KCNQ4: variants seen among roughly 807,000 people sequenced by gnomAD.
KCNQ4 encodes the protein potassium voltage-gated channel subfamily KQT member 4.
KCNQ4 carries 31 observed loss-of-function variants against 72.6 expected under a neutral mutation model. The observed-to-expected ratio is 0.43, with a 90% CI of 0.32 to 0.58. The LOEUF (loss-of-function observed/expected upper bound fraction) is 0.58, where lower values mean the gene tolerates loss of function less well. KCNQ4 is among the 20% of genes least tolerant of loss of function. The pLI is 0.08. For synonymous variants in KCNQ4, 405 were observed against 403.7 expected (o/e 1.00, Z -0.04); for missense variants, 869 against 962.6 (o/e 0.90, Z 1.29).
chr1:40,799,687 T>TA (rs1267375492), intron 1 of KCNQ4, among the ~76,000 whole-genome samples: 5 of 152,138 alleles, frequency 3.3e-5, no homozygotes, highest in Non-Finnish European at 7.3e-5. Context: ...TTGGAGGCCC[T>TA]AGGTCTTATT....
chr1:40,831,309 G>GC lies in KCNQ4; in HGVS notation c.1513+10dup. The GC allele has an allele frequency of 1.3e-6, 2 of 1,584,654 alleles. No homozygotes were observed. The highest frequency in any genetic ancestry group is 2.3e-5 in the East Asian group (1 of 43,760). Reference sequence around the variant, plus strand: ...AACCCCGCACCTCTGCTGAGGGTAAGCCCCCGGGGGGCTGAGTCCGATCGA... The same window carrying GC: ...AACCCCGCACCTCTGCTGAGGGTAAGCCCCCCGGGGGGCTGAGTCCGATCGA... On this transcript the variant is annotated splice_donor_region_variant and intron_variant, in intron 10 of 13. Transcript: ENST00000347132.
At chr1:40,793,051 C>T (rs181896985) in intron 1 of KCNQ4, among the ~76,000 whole-genome samples, 129 of 145,756 alleles carry the variant, frequency 8.9e-4, no homozygotes, top group Non-Finnish European at 1.7e-3. Context: ...CTGTCACCCA[C>T]GCTGGAGTGC....
intron 5 of KCNQ4, 140 bp downstream of exon 5, chr1:40,819,612 G>T: frequency 9.3e-6 from 11 of 1,181,946 alleles, no homozygotes; most frequent in Middle Eastern, 2.2e-4. Context: ...ACCCCCCTGA[G>T]ACCAGCCCCA....
intron 8 of KCNQ4, 128 bp downstream of exon 8, chr1:40,822,530 C>T: frequency 1.4e-6 from 1 of 705,228 alleles, no homozygotes; most frequent in Non-Finnish European, 2.5e-6. Context: ...CCTGGGCTGG[C>T]TCTGCAGATC....
intron 1 of KCNQ4, among the ~76,000 whole-genome samples, chr1:40,789,416 T>G (rs1304570923): frequency 6.6e-6 from 1 of 152,190 alleles, no homozygotes; most frequent in Middle Eastern, 3.2e-3. Flanking sequence ...AACTTTGCCC[T>G]TGTGATTGGG....
At chr1:40,813,214 T>C (rs1558007477) in intron 1 of KCNQ4, among the ~76,000 whole-genome samples, 1 of 152,166 alleles carries the variant, frequency 6.6e-6, no homozygotes, top group Non-Finnish European at 1.5e-5. Flanking sequence ...ACTTTCCCTC[T>C]CTAAGTGCGA....
At position 40,804,565 on chromosome 1, in the gene KCNQ4, C is replaced by T. The variant is rs1253501794; in HGVS notation, c.315-12700C>T. On this transcript the variant is annotated intron_variant, in intron 1 of 13. Transcript: ENST00000347132. ...TGGTAGTGGCTCATGCCTGTAAGCC[C>T]AGCACTTTGGGAGATGGAGGCAGGA... is the stretch of plus-strand genomic sequence containing the variant. 5.3e-5 allele frequency among the ~76,000 whole-genome samples: 8 copies of T among 152,286 alleles called. No individual in the cohort carries two copies. In the East Asian group the frequency reaches 1.5e-3, roughly 29 times the overall value.
chr1:40,836,292 A>T (rs1416718950), intron 12 of KCNQ4, among the ~76,000 whole-genome samples: 1 of 152,228 alleles, frequency 6.6e-6, no homozygotes, highest in Admixed American at 6.5e-5. Flanking sequence ...AGAGTCAAGG[A>T]TGAAGCTAAG....
At position 40,824,209 on chromosome 1, in the gene KCNQ4, G is replaced by C; in HGVS notation, c.1243G>C (p.Val415Leu). The stretch of plus-strand genomic sequence containing the variant: ...CGGAGCACCCTCCCGTTACCCGCCC[G>C]TTGCCACCTGCCACCGGCCGGGCAG... ...PDGAPSRYPP[V>L]ATCHRPGSTS... Residue 415 changes from valine to leucine, a missense_variant, in exon 9 of 14, where the codon GTT (valine) becomes CTT (leucine). Transcript: ENST00000347132. 1 of 1,602,676 alleles carries C rather than the reference G, an allele frequency of 6.2e-7. No individual in the cohort carries two copies. The highest frequency in any genetic ancestry group is 2.3e-5 in the East Asian group (1 of 44,192).
intron 10 of KCNQ4, 30 bp from the exon 11 acceptor site, chr1:40,832,984 G>T: frequency 6.4e-7 from 1 of 1,561,950 alleles, no homozygotes. Flanking sequence ...CCCCTTTGGT[G>T]GGCCACTTGC....
intron 9 of KCNQ4, 93 bp from the exon 10 acceptor site, chr1:40,830,991 C>A: frequency 2.8e-6 from 3 of 1,078,988 alleles, no homozygotes; most frequent in Non-Finnish European, 4.2e-6. Flanking sequence ...GACCTAATAG[C>A]CACCCCCAAG....
intron 9 of KCNQ4, among the ~76,000 whole-genome samples, chr1:40,826,143 A>G (rs1648470856): frequency 6.6e-6 from 1 of 152,144 alleles, no homozygotes; most frequent in Non-Finnish European, 1.5e-5. Context: ...TCCACCAAAA[A>G]CACACACACA....
chr1:40,834,524 C>T (rs571125881), intron 11 of KCNQ4, among the ~76,000 whole-genome samples: 3 of 151,846 alleles, frequency 2.0e-5, no homozygotes, highest in African/African-American at 7.2e-5. Flanking sequence ...ACGGGCAGAT[C>T]GCTTGAGTCC....
In KCNQ4 at chr1:40,820,153, C is replaced by G. The variant is rs146802754; in HGVS notation, c.946-12C>G. Reference sequence around the variant, plus strand: ...GCCAGCACATTCCCCCAACCATGCCCTATCCCTCTAGGGCATCCTAGGCTC... The same window carrying G: ...GCCAGCACATTCCCCCAACCATGCCGTATCCCTCTAGGGCATCCTAGGCTC... On this transcript the variant is annotated splice_polypyrimidine_tract_variant and intron_variant, in intron 6 of 13. Transcript: ENST00000347132. The G allele has an allele frequency of 3.4e-4, 540 of 1,601,478 alleles. 7 individuals are homozygous for G. The East Asian group carries it at 0.011, about 32-fold the overall frequency.
At position 40,819,825 on chromosome 1, in the gene KCNQ4, G is replaced by A. The variant is rs371398676; in HGVS notation, c.835-50G>A. 28 of 1,433,554 alleles carry A rather than the reference G, an allele frequency of 2.0e-5. No individual in the cohort carries two copies. In the Middle Eastern group the frequency reaches 5.2e-4, roughly 27 times the overall value. 88.8% of individuals were successfully genotyped at this position (1,433,554 alleles called of 1,614,324 possible). A position where few individuals can be genotyped will look rare whatever the true frequency, so the allele number is the denominator to read the frequency against. On this transcript the variant is annotated intron_variant, in intron 5 of 13. Coordinates refer to ENST00000347132, the MANE Select transcript of KCNQ4 (RefSeq NM_004700.4). ...TACCTGCCTGTACCCCCAACAAGCCGTAGGTGGCCCCCGTGACCAGTCCTG... is the reference window on the plus strand; with the variant it reads ...TACCTGCCTGTACCCCCAACAAGCCATAGGTGGCCCCCGTGACCAGTCCTG...
intron 10 of KCNQ4, 130 bp from the exon 11 acceptor site, chr1:40,832,884 G>C: frequency 1.4e-6 from 1 of 728,262 alleles, no homozygotes; most frequent in Non-Finnish European, 2.5e-6. Flanking sequence ...GCCCCAAGAA[G>C]GTTCTGAGCC....
rs924412342 is a variant in KCNQ4, at chr1:40,817,042, G to A, written c.315-223G>A. ...TCTCTGAGCTGCAGCCTGCAGCAGG[G>A]GGCAATTGAGATAGTTGTGAGGTCC... On this transcript the variant is annotated intron_variant, in intron 1 of 13. Transcript: ENST00000347132. This position sits in a 1 kb window ranked among gnomAD's most constrained non-coding sequence, Gnocchi z 5.5. Among the ~76,000 whole-genome samples the A allele has an allele frequency of 1.1e-4, 17 of 152,226 alleles. No individual in the cohort carries two copies. The highest frequency in any genetic ancestry group is 3.9e-4 in the African/African-American group (16 of 41,456).
rs535075578 is a variant in KCNQ4, at chr1:40,817,201, A to G, written c.315-64A>G. 1 of 1,344,840 alleles carries G rather than the reference A, an allele frequency of 7.4e-7. No individual in the cohort carries two copies. The highest frequency in any genetic ancestry group is 1.1e-6 in the Non-Finnish European group (1 of 941,262). 83.3% of individuals were successfully genotyped at this position (1,344,840 alleles called of 1,614,324 possible). On this transcript the variant is annotated intron_variant, in intron 1 of 13. Coordinates refer to ENST00000347132, the MANE Select transcript of KCNQ4 (RefSeq NM_004700.4). The surrounding 1 kb of genome is among the most constrained non-coding windows in gnomAD (Gnocchi z 5.5). The stretch of plus-strand genomic sequence containing the variant: ...TCTCTTGGCTCTGTAACCCCCTGCC[A>G]GGGGCACCTTGGCTGTCCTGTCCCT...
At chr1:40,800,188 G>A (rs770426946) in intron 1 of KCNQ4, among the ~76,000 whole-genome samples, 13 of 152,122 alleles carry the variant, frequency 8.5e-5, no homozygotes, top group African/African-American at 2.4e-4. Flanking sequence ...GCAAAAGCCC[G>A]GAAGAGCAGG....
Sources: allele counts gnomAD v4.1 joint callset (sites outside exome capture counted in the v4.1 genomes callset), GRCh38; gene constraint gnomAD v4.1.1; non-coding constraint Gnocchi (gnomAD v3.1); transcripts MANE v1.5; gene names NCBI Gene and HGNC (gene_info 2026-07-23, HGNC 2026-07-21).